PTPRD: variants seen among roughly 807,000 people sequenced by gnomAD.
The protein encoded by PTPRD is protein tyrosine phosphatase receptor type D, also known as receptor-type tyrosine-protein phosphatase delta.
In PTPRD, 34 loss-of-function variants were observed where a neutral mutation model predicts 214.5. That is an observed-to-expected ratio of 0.16 (90% CI 0.12 to 0.21). The LOEUF is 0.21. Among genes scored for constraint, PTPRD ranks in the 10% least tolerant of loss-of-function variants. The pLI, the probability that PTPRD is intolerant of heterozygous loss-of-function variation, is 1.00. For missense variants in PTPRD, 2,545 were observed against 2,398.7 expected (o/e 1.06, Z -1.27); for synonymous variants, 1,128 against 845.7 (o/e 1.33, Z -5.79).
intron 8 of PTPRD, among the ~76,000 whole-genome samples, chr9:9,406,515 T>C (rs1408512570): frequency 2.0e-5 from 3 of 151,956 alleles, no homozygotes; most frequent in African/African-American, 7.2e-5. Flanking sequence ...ACATCTCACA[T>C]TTACGATATT....
chr9:9,544,174 A>G (rs932290182), intron 8 of PTPRD, among the ~76,000 whole-genome samples: 1 of 151,664 alleles, frequency 6.6e-6, no homozygotes, highest in Non-Finnish European at 1.5e-5. Flanking sequence ...TCTATAAAAC[A>G]GTACTTTTAT....
chr9:8,762,780 T>G (rs1210480967), intron 11 of PTPRD, among the ~76,000 whole-genome samples: 1 of 152,126 alleles, frequency 6.6e-6, no homozygotes, highest in Non-Finnish European at 1.5e-5. Flanking sequence ...CAGGGAGAAA[T>G]TTTTATGATA....
intron 8 of PTPRD, among the ~76,000 whole-genome samples, chr9:9,484,551 T>A (rs936836427): frequency 2.0e-5 from 3 of 152,144 alleles, no homozygotes; most frequent in Non-Finnish European, 4.4e-5. Flanking sequence ...AATCATACTT[T>A]AATAAAAAGC....
chr9:9,626,752 C>A (rs1027737830), intron 7 of PTPRD, among the ~76,000 whole-genome samples: 1 of 152,242 alleles, frequency 6.6e-6, no homozygotes, highest in Non-Finnish European at 1.5e-5. Context: ...GATAAGAATA[C>A]ATTTTCAGAG....
chr9:10,146,163 A>ATATG lies in PTPRD; in HGVS notation c.-544-112374_-544-112373insCATA, dbSNP rs545691317. Among the ~76,000 whole-genome samples the ATATG allele has an allele frequency of 3.2e-4, 48 of 151,238 alleles. No individual in the cohort carries two copies. In the South Asian group the frequency reaches 8.8e-3, roughly 28 times the overall value. On this transcript the variant is annotated intron_variant, in intron 3 of 45. Transcript: ENST00000381196. ...AGTGAAATCATCCATATATATATAT[A>ATATG]TATATGTATATGCCTATACAGTGAT...
chr9:9,832,057 A>G (rs934361303), intron 5 of PTPRD, among the ~76,000 whole-genome samples: 1 of 151,986 alleles, frequency 6.6e-6, no homozygotes, highest in African/African-American at 2.4e-5. Flanking sequence ...TTAACCTACC[A>G]TTCTCTCCCT....
chr9:8,601,368 G>C (rs2094850312), intron 14 of PTPRD, among the ~76,000 whole-genome samples: 1 of 152,186 alleles, frequency 6.6e-6, no homozygotes, highest in South Asian at 2.1e-4. Flanking sequence ...GCAGACTGTA[G>C]AGCCCTATGG....
At chr9:9,942,215 A>G (rs1435727751) in intron 4 of PTPRD, among the ~76,000 whole-genome samples, 2 of 152,060 alleles carry the variant, frequency 1.3e-5, no homozygotes, top group Non-Finnish European at 2.9e-5. Context: ...ACAACCATAC[A>G]TATATTCTTA....
At chr9:8,839,184 G>T (rs1437014898) in intron 11 of PTPRD, among the ~76,000 whole-genome samples, 1 of 151,772 alleles carries the variant, frequency 6.6e-6, no homozygotes, top group Non-Finnish European at 1.5e-5. Context: ...GCAAACATAA[G>T]GGAAAAATTA....
intron 4 of PTPRD, among the ~76,000 whole-genome samples, chr9:9,941,900 G>A (rs2091560078): frequency 6.6e-6 from 1 of 152,232 alleles, no homozygotes; most frequent in Non-Finnish European, 1.5e-5. Flanking sequence ...AGCTAACTAT[G>A]ACAACAAATA....
At chr9:9,517,090 T>C (rs1035394713) in intron 8 of PTPRD, among the ~76,000 whole-genome samples, 2 of 152,070 alleles carry the variant, frequency 1.3e-5, no homozygotes, top group African/African-American at 2.4e-5. Context: ...TAATTAGAGA[T>C]ATTAACACTA....
chr9:8,390,723 C>A (rs1347283905), intron 36 of PTPRD, among the ~76,000 whole-genome samples: 1 of 152,042 alleles, frequency 6.6e-6, no homozygotes, highest in Non-Finnish European at 1.5e-5. Context: ...TTAAGAGAGA[C>A]AGAGGCAAAT....
chr9:10,029,128 C>A (rs1410933549), intron 4 of PTPRD, among the ~76,000 whole-genome samples: 4 of 152,208 alleles, frequency 2.6e-5, no homozygotes, highest in African/African-American at 7.2e-5. Flanking sequence ...CCTGTGACTA[C>A]ACAGAAGTCA....
intron 2 of PTPRD, among the ~76,000 whole-genome samples, chr9:10,471,884 A>G: frequency 6.6e-6 from 1 of 152,084 alleles, no homozygotes; most frequent in East Asian, 1.9e-4. Flanking sequence ...AATGAACAAA[A>G]ATAGCAAACC....
At position 9,377,917 on chromosome 9, in the gene PTPRD, A is replaced by ATT. The variant is rs58869276; in HGVS notation, c.-203+19530_-203+19531dup. Among the ~76,000 whole-genome samples the ATT allele has an allele frequency of 6.1e-4, 92 of 151,452 alleles. 1 individual carries two copies. Among genetic ancestry groups the ATT allele is most frequent in the African/African-American group, 2.1e-3 (85 of 41,274 alleles). On this transcript the variant is annotated intron_variant, in intron 9 of 45. Coordinates refer to ENST00000381196, the MANE Select transcript of PTPRD (RefSeq NM_002839.4). ...TGTTTTGTTGTTGTTTCTTAAGACT[A>ATT]TTTTTTTTTAAAGAGTAGTTTTAGG...
intron 7 of PTPRD, among the ~76,000 whole-genome samples, chr9:9,677,611 C>T (rs1470621165): frequency 1.3e-5 from 2 of 152,070 alleles, no homozygotes; most frequent in Non-Finnish European, 2.9e-5. Context: ...CAGCCAGTAT[C>T]ATACTGAATG....
At chr9:8,775,982 T>C (rs2095456156) in intron 11 of PTPRD, among the ~76,000 whole-genome samples, 1 of 152,200 alleles carries the variant, frequency 6.6e-6, no homozygotes, top group Non-Finnish European at 1.5e-5. Context: ...TGATGGACAG[T>C]AAATCAAAAA....
rs147306803 is a variant in PTPRD at position 10,414,345 on chromosome 9, T to C, written c.-599-73328A>G. Reference sequence around the variant, plus strand: ...CAACAAGCACATGAAAAAAGCTCAATATTACTGATCATTAGAGAAATGCAA... The same window carrying C: ...CAACAAGCACATGAAAAAAGCTCAACATTACTGATCATTAGAGAAATGCAA... On this transcript the variant is annotated intron_variant, in intron 2 of 45. Transcript: ENST00000381196. 4.3e-3 allele frequency among the ~76,000 whole-genome samples: 661 copies of C among 152,026 alleles called. 8 individuals are homozygous for C. Among genetic ancestry groups the C allele is most frequent in the African/African-American group, 0.015 (625 of 41,520 alleles).
intron 2 of PTPRD, among the ~76,000 whole-genome samples, chr9:10,543,175 A>C (rs2059494162): frequency 6.6e-6 from 1 of 152,140 alleles, no homozygotes; most frequent in Admixed American, 6.6e-5. Context: ...GCAAGCCACC[A>C]CGCCCGGCCA....
Sources: allele counts gnomAD v4.1 joint callset (sites outside exome capture counted in the v4.1 genomes callset), GRCh38; gene constraint gnomAD v4.1.1; transcripts MANE v1.5; gene names NCBI Gene and HGNC (gene_info 2026-07-23, HGNC 2026-07-21).